Variants in CSMD1 observed in about 807,000 individuals in gnomAD.
CSMD1 encodes CUB and Sushi multiple domains 1.
CSMD1 carries 213 observed loss-of-function variants against 417.5 expected under a neutral mutation model. That is an observed-to-expected ratio of 0.51 (90% CI 0.46 to 0.57). The LOEUF is 0.57. Ranked by LOEUF, CSMD1 falls within the 20% of genes least tolerant of loss-of-function variation. The probability of loss-of-function intolerance (pLI) is 0.00; values close to 1 mark genes in which losing one functional copy is unlikely to be tolerated. For missense variants in CSMD1, 6,923 were observed against 4,529.7 expected (o/e 1.53, Z -15.17); for synonymous variants, 2,862 against 1,736.8 (o/e 1.65, Z -16.11).
chr8:2,981,030 C>T (rs1444207444), intron 54 of CSMD1, among the ~76,000 whole-genome samples: 3 of 152,210 alleles, frequency 2.0e-5, no homozygotes, highest in East Asian at 1.9e-4. Flanking sequence ...CATAGAGTTG[C>T]AGTCAGAAGT....
intron 3 of CSMD1, among the ~76,000 whole-genome samples, chr8:4,033,074 C>G (rs978221653): frequency 7.3e-6 from 1 of 136,762 alleles, no homozygotes; most frequent in Non-Finnish European, 1.5e-5. Context: ...ACATTCCTCT[C>G]TATTGATTCC....
intron 1 of CSMD1, among the ~76,000 whole-genome samples, chr8:4,650,065 A>T (rs1044583353): frequency 6.6e-6 from 1 of 152,226 alleles, no homozygotes; most frequent in Non-Finnish European, 1.5e-5. Context: ...TATGTAGAAG[A>T]CACCAAATAG....
chr8:3,474,611 C>T (rs921175982), intron 11 of CSMD1, among the ~76,000 whole-genome samples: 3 of 152,042 alleles, frequency 2.0e-5, no homozygotes, highest in Non-Finnish European at 4.4e-5. Context: ...TTTTTGTGAG[C>T]AGAAATATGC....
At chr8:3,987,833 A>C (rs977508766) in intron 5 of CSMD1, among the ~76,000 whole-genome samples, 3 of 152,198 alleles carry the variant, frequency 2.0e-5, no homozygotes, top group African/African-American at 7.2e-5. Flanking sequence ...CCAGATGTTA[A>C]TTGACAGCCT....
At chr8:4,490,039 ATT>A (rs67307681) in intron 2 of CSMD1, among the ~76,000 whole-genome samples, 80,858 of 131,218 alleles carry the variant, frequency 0.62, 25,174 homozygotes, top group Non-Finnish European at 0.69. Context: ...TCAGGTACCA[ATT>A]TTTTTTTTTT....
At chr8:4,419,225 G>C (rs961211308) in intron 3 of CSMD1, among the ~76,000 whole-genome samples, 1 of 152,140 alleles carries the variant, frequency 6.6e-6, no homozygotes, top group Admixed American at 6.6e-5. Context: ...GTTACAGACA[G>C]TAGCTCTTGT....
intron 3 of CSMD1, among the ~76,000 whole-genome samples, chr8:4,311,427 T>C (rs1322090724): frequency 6.6e-6 from 1 of 152,162 alleles, no homozygotes; most frequent in Non-Finnish European, 1.5e-5. Flanking sequence ...GTTTCACTTA[T>C]GAGTGGAATC....
chr8:3,906,346 G>C lies in CSMD1; in HGVS notation c.818+91557C>G, dbSNP rs945086290. Among the ~76,000 whole-genome samples the C allele has an allele frequency of 2.0e-4, 30 of 152,066 alleles. 1 individual carries two copies. Among genetic ancestry groups the C allele is most frequent in the Non-Finnish European group, 1.5e-5 (1 of 68,010 alleles). On this transcript the variant is annotated intron_variant, in intron 5 of 69. Transcript: ENST00000635120. ...TTGGTGTACTAATTCAAAATCCCAA[G>C]TATACCTGAGTCACCTATAGTATGG...
intron 5 of CSMD1, among the ~76,000 whole-genome samples, chr8:3,933,942 AG>A (rs1810316023): frequency 6.6e-6 from 1 of 152,138 alleles, no homozygotes; most frequent in South Asian, 2.1e-4. Context: ...AAAACCAGCC[AG>A]GGACCTAGGC....
At chr8:4,262,549 T>C (rs1563354823) in intron 3 of CSMD1, among the ~76,000 whole-genome samples, 1 of 152,184 alleles carries the variant, frequency 6.6e-6, no homozygotes, top group African/African-American at 2.4e-5. Context: ...ATCATGCATT[T>C]GAAATGCTCG....
At chr8:3,896,546 C>T (rs542083827) in intron 5 of CSMD1, among the ~76,000 whole-genome samples, 1 of 151,932 alleles carries the variant, frequency 6.6e-6, no homozygotes, top group African/African-American at 2.4e-5. Context: ...GAGTCTCGCT[C>T]TGTCACCCAG....
At chr8:3,308,967 C>T (rs1805110456) in intron 23 of CSMD1, among the ~76,000 whole-genome samples, 1 of 151,964 alleles carries the variant, frequency 6.6e-6, no homozygotes, top group African/African-American at 2.4e-5. Flanking sequence ...TCAGGCAATC[C>T]ACCCCCTCAG....
At chr8:3,225,889 C>G (rs1416032663) in intron 27 of CSMD1, among the ~76,000 whole-genome samples, 1 of 152,170 alleles carries the variant, frequency 6.6e-6, no homozygotes, top group Non-Finnish European at 1.5e-5. Context: ...AAAAATGCAA[C>G]TCAGAGATGC....
In CSMD1 at chr8:3,223,811, G is replaced by C; in HGVS notation, c.4402C>G (p.Pro1468Ala). Reference sequence around the variant, plus strand: ...TCCTTCCCAGGAGGATACGGCTGTGGGTAGTTGGGTGACAAAATAACACCT... The same window carrying C: ...TCCTTCCCAGGAGGATACGGCTGTGCGTAGTTGGGTGACAAAATAACACCT... ...PAGVILSPNY[P>A]QPYPPGKECD... Residue 1468 changes from proline to alanine, a missense_variant, in exon 28 of 70, where the codon CCA (proline) becomes GCA (alanine). Pro to Ala is a conservative substitution (Grantham distance 27). Transcript: ENST00000635120. 1 of 1,613,860 alleles carries C rather than the reference G, an allele frequency of 6.2e-7. No homozygotes were observed. Among genetic ancestry groups the C allele is most frequent in the Non-Finnish European group, 8.5e-7 (1 of 1,179,820 alleles).
chr8:4,530,314 C>CTTTTTTTTTTTT lies in CSMD1; in HGVS notation c.302+107016_302+107027dup, dbSNP rs759268228. Among the ~76,000 whole-genome samples, 265 of 46,686 alleles carry CTTTTTTTTTTTT rather than the reference C, an allele frequency of 5.7e-3. 46 individuals carry two copies. Among genetic ancestry groups the CTTTTTTTTTTTT allele is most frequent in the Non-Finnish European group, 7.1e-3 (194 of 27,186 alleles). The allele number at this position is 46,686 out of a possible 152,430, so 30.6% of individuals were successfully genotyped here. A position where few individuals can be genotyped will look rare whatever the true frequency, so the allele number is the denominator to read the frequency against. On this transcript the variant is annotated intron_variant, in intron 2 of 69. Transcript: ENST00000635120. The stretch of plus-strand genomic sequence containing the variant: ...TTCACAGTTTATCGTACAGGTAGTG[C>CTTTTTTTTTTTT]TTTTTTTTTTTTTTTTTTTTTTTTT...
chr8:3,520,802 G>A (rs576162660), intron 10 of CSMD1, among the ~76,000 whole-genome samples: 31 of 152,074 alleles, frequency 2.0e-4, no homozygotes, highest in Non-Finnish European at 2.2e-4. Flanking sequence ...ATCTGTAGAG[G>A]AAATCTCCAC....
At position 2,983,336 on chromosome 8, in the gene CSMD1, G is replaced by A. The variant is rs78792422; in HGVS notation, c.8378-4536C>T. 6.8e-4 allele frequency among the ~76,000 whole-genome samples: 104 copies of A among 151,960 alleles called. No individual in the cohort carries two copies. The East Asian group carries it at 0.013, about 19-fold the overall frequency. On this transcript the variant is annotated intron_variant, in intron 54 of 69. Transcript: ENST00000635120. ...CGAGTAGCTGGTACTACAGGCACCC[G>A]CCACCATGCCTGGCTAATTTTTTGT...
intron 33 of CSMD1, among the ~76,000 whole-genome samples, chr8:3,193,463 G>C (rs936584267): frequency 5.3e-5 from 8 of 152,094 alleles, no homozygotes; most frequent in Non-Finnish European, 1.0e-4. Flanking sequence ...GAACGTCTGG[G>C]AAGCGGGTGG....
intron 3 of CSMD1, among the ~76,000 whole-genome samples, chr8:4,231,709 T>C (rs1262241966): frequency 6.6e-6 from 1 of 152,188 alleles, no homozygotes; most frequent in Non-Finnish European, 1.5e-5. Context: ...AAGCCAAGTC[T>C]TAAGAATGTG....
Sources: gnomAD v4.1 joint callset for allele counts (sites outside exome capture counted in the v4.1 genomes callset) on GRCh38, gnomAD v4.1.1 for gene constraint, MANE v1.5 for transcripts, NCBI Gene and HGNC (gene_info 2026-07-23, HGNC 2026-07-21) for gene names.